Variants in RPS6KA2 observed in about 807,000 individuals in gnomAD.
The protein encoded by RPS6KA2 is ribosomal protein S6 kinase A2, also known as ribosomal protein S6 kinase alpha-2.
RPS6KA2 carries 42 observed loss-of-function variants against 91.8 expected under a neutral mutation model. The observed-to-expected ratio is 0.46, with a 90% CI of 0.36 to 0.59. RPS6KA2 has a LOEUF of 0.59. Ranked by LOEUF, RPS6KA2 falls within the 20% of genes least tolerant of loss-of-function variation. RPS6KA2 has a pLI of 0.00. For missense variants in RPS6KA2, 798 were observed against 978.5 expected (o/e 0.82, Z 2.46); for synonymous variants, 414 against 393.6 (o/e 1.05, Z -0.61).
intron 19 of RPS6KA2, among the ~76,000 whole-genome samples, chr6:166,417,868 C>T (rs986849687): frequency 5.3e-5 from 8 of 152,040 alleles, no homozygotes; most frequent in African/African-American, 1.9e-4. Context: ...GAGTTCAAGA[C>T]CAGCCTGGCC....
Position 166,452,915 on chromosome 6 carries a change from A to C in RPS6KA2, c.1076-1682T>G, listed in dbSNP as rs543808660. 5.9e-5 allele frequency among the ~76,000 whole-genome samples: 9 copies of C among 152,268 alleles called. No homozygotes were observed. The South Asian group carries it at 1.9e-3, about 32-fold the overall frequency. On this transcript the variant is annotated intron_variant, in intron 12 of 20. Coordinates refer to ENST00000265678, the MANE Select transcript of RPS6KA2 (RefSeq NM_021135.6). ...TAGCGAAAGACTTCGAAAGTCTTTTAAGGGCTGGGTGCAGTGGCTCACACC... is the reference window on the plus strand; with the variant it reads ...TAGCGAAAGACTTCGAAAGTCTTTTCAGGGCTGGGTGCAGTGGCTCACACC...
chr6:166,779,001 G>A (rs1203364513), intron 2 of RPS6KA2, among the ~76,000 whole-genome samples: 3 of 152,200 alleles, frequency 2.0e-5, no homozygotes, highest in Admixed American at 6.5e-5. Context: ...TTGAAAATGC[G>A]CAAATCTTGT....
At chr6:166,668,166 AG>A (rs377047854) in intron 2 of RPS6KA2, among the ~76,000 whole-genome samples, 65 of 152,292 alleles carry the variant, frequency 4.3e-4, no homozygotes, top group Non-Finnish European at 8.7e-4. Context: ...AGTGCAAGCG[AG>A]GTTTGGTTTC....
chr6:166,718,369 G>T (rs1024018420), intron 2 of RPS6KA2, among the ~76,000 whole-genome samples: 4 of 147,016 alleles, frequency 2.7e-5, no homozygotes, highest in African/African-American at 1.0e-4. Context: ...CTTATGTGAG[G>T]CTGTTTGAGT....
Position 166,735,085 on chromosome 6 carries a change from T to G in RPS6KA2, c.123+123115A>C, listed in dbSNP as rs74650239. Among the ~76,000 whole-genome samples the G allele has an allele frequency of 4.4e-3, 664 of 152,324 alleles. 5 individuals carry two copies. Among genetic ancestry groups the G allele is most frequent in the Admixed American group, 7.3e-3 (112 of 15,300 alleles). On this transcript the variant is annotated intron_variant, in intron 2 of 21. Coordinates refer to the RPS6KA2 transcript ENST00000503859. Reference sequence around the variant, plus strand: ...ATCTTGGATTAAGTTTCCATCAAACTTGGAGAACTCTGAGAAGGCCCTAAG... The same window carrying G: ...ATCTTGGATTAAGTTTCCATCAAACGTGGAGAACTCTGAGAAGGCCCTAAG...
chr6:166,801,339 T>C (rs542040343), intron 2 of RPS6KA2, among the ~76,000 whole-genome samples: 47 of 152,068 alleles, frequency 3.1e-4, no homozygotes, highest in East Asian at 2.7e-3. Context: ...TTTATTTTAT[T>C]TTATTTTATT....
intron 14 of RPS6KA2, among the ~76,000 whole-genome samples, chr6:166,438,622 GTCT>G (rs1321963091): frequency 7.2e-5 from 11 of 152,336 alleles, no homozygotes; most frequent in South Asian, 4.1e-4. Context: ...AGCTTGTGCG[GTCT>G]TCTTCTCCTG....
intron 2 of RPS6KA2, among the ~76,000 whole-genome samples, chr6:166,725,567 G>A (rs1790311463): frequency 6.6e-6 from 1 of 152,236 alleles, no homozygotes; most frequent in Non-Finnish European, 1.5e-5. Context: ...CACCTCTGTG[G>A]GTGCCTCGAA....
chr6:166,481,477 G>T (rs1355264034), intron 10 of RPS6KA2, among the ~76,000 whole-genome samples: 1 of 151,936 alleles, frequency 6.6e-6, no homozygotes, highest in Non-Finnish European at 1.5e-5. Context: ...TGATGAGATA[G>T]TAGAGTGTAC....
intron 2 of RPS6KA2, among the ~76,000 whole-genome samples, chr6:166,661,225 T>G (rs1562369956): frequency 6.6e-6 from 1 of 152,136 alleles, no homozygotes; most frequent in Admixed American, 6.5e-5. Context: ...CTCAGCCTGC[T>G]AAGTAGCTGG....
At chr6:166,822,660 G>A (rs1033287692) in intron 2 of RPS6KA2, among the ~76,000 whole-genome samples, 8 of 152,152 alleles carry the variant, frequency 5.3e-5, no homozygotes, top group Non-Finnish European at 1.0e-4. Context: ...TCCAGCTCAT[G>A]GATTATTTAT....
Position 166,412,065 on chromosome 6 carries a change from G to T in RPS6KA2, c.*697C>A, listed in dbSNP as rs561204132. The T allele has an allele frequency of 3.3e-5, 5 of 152,554 alleles. No individual in the cohort carries two copies. Among genetic ancestry groups the T allele is most frequent in the Non-Finnish European group, 7.3e-5 (5 of 68,138 alleles). 9.5% of individuals were successfully genotyped at this position (152,554 alleles called of 1,614,324 possible). A position where few individuals can be genotyped will look rare whatever the true frequency, so the allele number is the denominator to read the frequency against. ...CCGAGAGGCACCCCCTTCCATCCTG[G>T]TGACACGGAGCTCTCAAGGCAAAGA... On this transcript the variant is annotated 3_prime_UTR_variant, in exon 21 of 21. Transcript: ENST00000265678. The surrounding 1 kb of genome is among the most constrained non-coding windows in gnomAD (Gnocchi z 4.3).
In RPS6KA2 at chr6:166,451,222, C is replaced by T. The variant is rs781619977; in HGVS notation, c.1087G>A (p.Val363Ile). 102 of 1,613,674 alleles carry T rather than the reference C, an allele frequency of 6.3e-5. No individual in the cohort carries two copies. The East Asian group carries it at 9.6e-4, about 15-fold the overall frequency. Residue 363 changes from valine (V) to isoleucine (I), a missense_variant, in exon 13 of 21, where the codon GTC becomes ATC. Coordinates refer to ENST00000265678, the MANE Select transcript of RPS6KA2 (RefSeq NM_021135.6). ...TGATGAGCGTTTGCACTCGGGGGGA[C>T]GCCAGGAGAGTCTGTAGGTGACAGG... ...TARTPTDSPG[V>I]PPSANAHHLF...
In RPS6KA2 at chr6:166,706,140, G is replaced by A. The variant is rs9459722; in HGVS notation, c.123+152060C>T. On this transcript the variant is annotated intron_variant, in intron 2 of 21. Coordinates refer to the RPS6KA2 transcript ENST00000503859. Reference sequence around the variant, plus strand: ...TTGTTTATAAGCCACTCCGTTTATCGTTTTTCATTACAGCATCCCAAATGG... The same window carrying A: ...TTGTTTATAAGCCACTCCGTTTATCATTTTTCATTACAGCATCCCAAATGG... Among the ~76,000 whole-genome samples, 702 of 152,260 alleles carry A rather than the reference G, an allele frequency of 4.6e-3. 5 individuals are homozygous for A. Among genetic ancestry groups the A allele is most frequent in the African/African-American group, 0.016 (674 of 41,544 alleles).
chr6:166,465,090 T>C (rs1477562021), intron 11 of RPS6KA2, among the ~76,000 whole-genome samples: 1 of 152,224 alleles, frequency 6.6e-6, no homozygotes, highest in Non-Finnish European at 1.5e-5. Context: ...TTTTCCCAGT[T>C]GGATCCTGAG....
intron 2 of RPS6KA2, among the ~76,000 whole-genome samples, chr6:166,652,501 G>A (rs547565518): frequency 2.6e-5 from 4 of 152,266 alleles, no homozygotes; most frequent in South Asian, 2.1e-4. Context: ...TTGTCTTCTC[G>A]ATGGCGCAAC....
At chr6:166,624,454 T>C (rs1478512738) in intron 1 of RPS6KA2, among the ~76,000 whole-genome samples, 1 of 152,204 alleles carries the variant, frequency 6.6e-6, no homozygotes, top group Non-Finnish European at 1.5e-5. Context: ...TCTTGGCCTA[T>C]AACCAGCTGT....
At position 166,647,162 on chromosome 6, in the gene RPS6KA2, A is replaced by ATT. The variant is rs112630610; in HGVS notation, c.124-108380_124-108379dup. Among the ~76,000 whole-genome samples, 476 of 149,782 alleles carry ATT rather than the reference A, an allele frequency of 3.2e-3. 2 individuals carry two copies. The highest frequency in any genetic ancestry group is 0.011 in the African/African-American group (434 of 40,926). On this transcript the variant is annotated intron_variant, in intron 2 of 21. Coordinates refer to the RPS6KA2 transcript ENST00000503859. Reference sequence around the variant, plus strand: ...ATCTTTTTTGCCCCAGTGTTCTCCTATTTTTTTTTTAACTCTAAACCACTC... The same window carrying ATT: ...ATCTTTTTTGCCCCAGTGTTCTCCTATTTTTTTTTTTTAACTCTAAACCACTC...
intron 3 of RPS6KA2, among the ~76,000 whole-genome samples, chr6:166,521,561 G>A (rs772509878): frequency 4.6e-5 from 7 of 152,188 alleles, no homozygotes; most frequent in African/African-American, 7.2e-5. Context: ...GTCCCACCAC[G>A]GGATTTCTGA....
Sources: gnomAD v4.1 joint callset for allele counts (sites outside exome capture counted in the v4.1 genomes callset) on GRCh38, gnomAD v4.1.1 for gene constraint, Gnocchi (gnomAD v3.1) non-coding constraint, MANE v1.5 for transcripts, NCBI Gene and HGNC (gene_info 2026-07-23, HGNC 2026-07-21) for gene names.